PEPD: variants seen among roughly 807,000 people sequenced by gnomAD.
PEPD encodes the protein xaa-Pro dipeptidase.
Under a neutral mutation model 60.7 loss-of-function variants are expected in PEPD, and 53 were observed. The ratio of observed to expected loss-of-function variants is 0.87; its 90% CI spans 0.70 to 1.10. PEPD has a LOEUF of 1.10. PEPD is among the 50% of genes least tolerant of loss of function. PEPD has a pLI of 0.00. For missense variants in PEPD, 711 were observed against 711.9 expected (o/e 1.00, Z 0.01); for synonymous variants, 267 against 284.1 (o/e 0.94, Z 0.60).
chr19:33,400,281 G>C (rs1446761233), intron 12 of PEPD, among the ~76,000 whole-genome samples: 1 of 152,212 alleles, frequency 6.6e-6, no homozygotes, highest in Non-Finnish European at 1.5e-5. Context: ...GCTGCAGAAG[G>C]TGGCTGGGGC....
Position 33,511,113 on chromosome 19 carries a change from A to T in PEPD, c.244T>A (p.Cys82Ser). The T allele has an allele frequency of 6.2e-7, 1 of 1,614,018 alleles. No homozygotes were observed. Among genetic ancestry groups the T allele is most frequent in the Non-Finnish European group, 8.5e-7 (1 of 1,179,912 alleles). The change falls in exon 3 of 15, where the codon TGC becomes AGC. Residue 82 changes from cysteine (C) to serine (S), a missense_variant. Transcript: ENST00000244137. ...HWAFGVTEPGCYGVIDVDTGK... is the reference protein window; with the variant it reads ...HWAFGVTEPGSYGVIDVDTGK... ...GTGTCAACATCGATGACACCATAGC[A>T]GCCTGGCTCAGTGACACCGAACGCC...
chr19:33,435,137 C>A (rs1969350660), intron 9 of PEPD, among the ~76,000 whole-genome samples: 1 of 152,200 alleles, frequency 6.6e-6, no homozygotes, highest in Non-Finnish European at 1.5e-5. Context: ...CATCCGGCAT[C>A]TCCAGGCAGA....
At chr19:33,427,478 T>C (rs1969175540) in intron 9 of PEPD, among the ~76,000 whole-genome samples, 1 of 152,140 alleles carries the variant, frequency 6.6e-6, no homozygotes, top group African/African-American at 2.4e-5. Context: ...AAGAACCAAC[T>C]CACATGTCCT....
chr19:33,452,381 A>G (rs187474538), intron 9 of PEPD, among the ~76,000 whole-genome samples: 7 of 152,338 alleles, frequency 4.6e-5, no homozygotes, highest in Admixed American at 3.9e-4. Context: ...CTAAGATTCA[A>G]CTAAACAAGT....
intron 7 of PEPD, among the ~76,000 whole-genome samples, chr19:33,475,391 G>A (rs1247342650): frequency 6.6e-6 from 1 of 151,888 alleles, no homozygotes; most frequent in Non-Finnish European, 1.5e-5. Flanking sequence ...GCCCCAGGGA[G>A]TGTGATGATC....
chr19:33,471,807 A>G (rs548311254), intron 7 of PEPD, among the ~76,000 whole-genome samples: 1 of 152,078 alleles, frequency 6.6e-6, no homozygotes, highest in South Asian at 2.1e-4. Context: ...AAGGCTGAGC[A>G]CAGGAATTCG....
chr19:33,512,710 C>T lies in PEPD; in HGVS notation c.84G>A (p.Gln28=), dbSNP rs1970951849. The change falls in exon 2 of 15, where the codon CAG becomes CAA. Residue 28 remains glutamine (Q), a synonymous_variant. Coordinates refer to ENST00000244137, the MANE Select transcript of PEPD (RefSeq NM_000285.4). The part of the protein sequence containing the change: ...VPLALFALNR[Q]RLCERLRKNP... ...TCTTCCGCAGCCGCTCACACAGGCG[C>T]TGCCGGTTCAAGGCAAAGAGCGCCA... The T allele has an allele frequency of 6.2e-7, 1 of 1,614,008 alleles. No homozygotes were observed. Among genetic ancestry groups the T allele is most frequent in the African/African-American group, 1.3e-5 (1 of 74,948 alleles).
intron 9 of PEPD, among the ~76,000 whole-genome samples, chr19:33,445,600 CGAT>C (rs1568475233): frequency 6.6e-6 from 1 of 152,198 alleles, no homozygotes; most frequent in Non-Finnish European, 1.5e-5. Flanking sequence ...GCAGCCCTGC[CGAT>C]GCCTTGATCT....
At chr19:33,509,021 C>G (rs1165609985) in intron 3 of PEPD, among the ~76,000 whole-genome samples, 1 of 152,234 alleles carries the variant, frequency 6.6e-6, no homozygotes, top group Non-Finnish European at 1.5e-5. Context: ...TCTCAGAAGC[C>G]ACACTTAGCC....
intron 7 of PEPD, among the ~76,000 whole-genome samples, chr19:33,468,479 C>A (rs1474265023): frequency 6.6e-6 from 1 of 152,242 alleles, no homozygotes; most frequent in African/African-American, 2.4e-5. Flanking sequence ...GAGCTGGCCT[C>A]CATCGAGGCA....
intron 14 of PEPD, 24 bp from the exon 15 acceptor site, chr19:33,387,505 A>G (rs1211084185): frequency 1.9e-6 from 3 of 1,612,564 alleles, no homozygotes; most frequent in Middle Eastern, 1.7e-4. Context: ...ACAGACACAC[A>G]TTATCATAGA....
intron 2 of PEPD, 165 bp from the exon 3 acceptor site, chr19:33,511,320 A>C: frequency 3.5e-5 from 24 of 691,480 alleles, no homozygotes; most frequent in Non-Finnish European, 5.1e-5. Context: ...TCCCCAGCTC[A>C]TCCTCCCGTA....
intron 12 of PEPD, among the ~76,000 whole-genome samples, chr19:33,399,654 C>T (rs531705636): frequency 2.0e-5 from 3 of 152,310 alleles, no homozygotes; most frequent in African/African-American, 4.8e-5. Context: ...ACACTTGGGC[C>T]GGCGATCGAG....
At chr19:33,481,422 C>T (rs10408375) in intron 6 of PEPD, among the ~76,000 whole-genome samples, 59,822 of 151,456 alleles carry the variant, frequency 0.39, 12,397 homozygotes, top group African/African-American at 0.53. Flanking sequence ...AAAAATTAGC[C>T]GGGCGTGGTG....
intron 12 of PEPD, among the ~76,000 whole-genome samples, chr19:33,392,688 C>G (rs1430868795): frequency 6.6e-6 from 1 of 152,212 alleles, no homozygotes; most frequent in Non-Finnish European, 1.5e-5. Context: ...CTTGCCTTGG[C>G]GCAGAGCCAG....
chr19:33,496,913 T>A (rs1211156343), intron 4 of PEPD, among the ~76,000 whole-genome samples: 1 of 152,226 alleles, frequency 6.6e-6, no homozygotes, highest in Non-Finnish European at 1.5e-5. Flanking sequence ...CGCAGGGTGA[T>A]AAGCTGGACA....
chr19:33,395,967 G>A (rs541116222), intron 12 of PEPD: 7 of 152,494 alleles, frequency 4.6e-5, no homozygotes, highest in Admixed American at 3.3e-4. Context: ...AGAAATTCTG[G>A]GGACCCACTC....
At chr19:33,392,691 A>T (rs150658808) in intron 12 of PEPD, among the ~76,000 whole-genome samples, 1 of 152,204 alleles carries the variant, frequency 6.6e-6, no homozygotes, top group Non-Finnish European at 1.5e-5. Context: ...GCCTTGGCGC[A>T]GAGCCAGAGC....
intron 11 of PEPD, among the ~76,000 whole-genome samples, chr19:33,410,005 G>C (rs1968726243): frequency 6.6e-6 from 1 of 152,234 alleles, no homozygotes; most frequent in Admixed American, 6.5e-5. Flanking sequence ...GACCCTCCCA[G>C]CCCCGAGCAC....
Sources: allele counts gnomAD v4.1 joint callset (sites outside exome capture counted in the v4.1 genomes callset), GRCh38; gene constraint gnomAD v4.1.1; transcripts MANE v1.5; gene names NCBI Gene and HGNC (gene_info 2026-07-23, HGNC 2026-07-21).